PPT1: variants seen among roughly 807,000 people sequenced by gnomAD.
The protein encoded by PPT1 is palmitoyl-protein thioesterase 1.
Under a neutral mutation model 44.0 loss-of-function variants are expected in PPT1, and 24 were observed. The ratio of observed to expected loss-of-function variants is 0.54; its 90% CI spans 0.39 to 0.77. PPT1 has a LOEUF of 0.77. Ranked by LOEUF, PPT1 falls within the 30% of genes least tolerant of loss-of-function variation. The pLI is 0.00. For missense variants in PPT1, 341 were observed against 378.8 expected (o/e 0.90, Z 0.83); for synonymous variants, 148 against 140.2 (o/e 1.06, Z -0.39).
At chr1:40,096,610 G>A (rs989250925) in intron 1 of PPT1, among the ~76,000 whole-genome samples, 1 of 151,440 alleles carries the variant, frequency 6.6e-6, no homozygotes, top group Non-Finnish European at 1.5e-5. Context: ...TTTACACTTG[G>A]GTCCCACCCC....
chr1:40,086,039 T>A (rs1649241963), intron 5 of PPT1, among the ~76,000 whole-genome samples: 1 of 152,184 alleles, frequency 6.6e-6, no homozygotes, highest in Non-Finnish European at 1.5e-5. Flanking sequence ...AAAAGCACTC[T>A]GAGATCCACT....
downstream of PPT1, chr1:40,071,477 A>G: frequency 6.2e-7 from 1 of 1,613,702 alleles, no homozygotes; most frequent in Non-Finnish European, 8.5e-7. Flanking sequence ...TGAGCAGTTC[A>G]AGACCCTATG....
Position 40,086,874 on chromosome 1 carries a change from G to C in PPT1, c.536+2536C>G, listed in dbSNP as rs141599720. 1.5e-3 allele frequency among the ~76,000 whole-genome samples: 228 copies of C among 152,064 alleles called. 5 individuals are homozygous for C. In the East Asian group the frequency reaches 0.027, roughly 18 times the overall value. On this transcript the variant is annotated intron_variant, in intron 5 of 8. Coordinates refer to ENST00000642050, the MANE Select transcript of PPT1 (RefSeq NM_000310.4). ...AATTCTTGATTCTAGGCCCTATGAG[G>C]CTTTAGGCACCAACAGAGTATTACT...
At chr1:40,083,002 G>C (rs540307424) in intron 5 of PPT1, among the ~76,000 whole-genome samples, 1 of 152,106 alleles carries the variant, frequency 6.6e-6, no homozygotes, top group African/African-American at 2.4e-5. Flanking sequence ...TAAATCCTAG[G>C]GCCCTTAAGA....
chr1:40,094,079 A>G (rs1649719639), intron 1 of PPT1: 3 of 655,278 alleles, frequency 4.6e-6, no homozygotes, highest in Non-Finnish European at 5.7e-6. Flanking sequence ...TTTACAAATG[A>G]AAAATAAGCA....
At chr1:40,094,064 C>T (rs559149323) in intron 1 of PPT1, 5 of 666,602 alleles carry the variant, frequency 7.5e-6, no homozygotes, top group African/African-American at 1.8e-5. Context: ...AATTAAGACA[C>T]CAAATTTACA....
chr1:40,096,958 T>G, intron 1 of PPT1, 157 bp downstream of exon 1: 3 of 1,350,722 alleles, frequency 2.2e-6, no homozygotes, highest in Non-Finnish European at 2.1e-6. Flanking sequence ...CTTCCCCTTC[T>G]CTCTTTCCAA....
Position 40,072,724 on chromosome 1 carries a change from CTT to C in PPT1, c.*1335_*1336del, listed in dbSNP as rs775985054. 5 of 152,464 alleles carry C rather than the reference CTT, an allele frequency of 3.3e-5. No individual in the cohort carries two copies. The highest frequency in any genetic ancestry group is 5.9e-5 in the Non-Finnish European group (4 of 68,028). 9.4% of individuals were successfully genotyped at this position (152,464 alleles called of 1,614,324 possible). ...AAAACACCAAGGATAAGAAACTACT[CTT>C]TATTTTAGACAACCTCATAAAATTA... On this transcript the variant is annotated 3_prime_UTR_variant, in exon 9 of 9. Transcript: ENST00000642050.
At chr1:40,083,373 T>G (rs1211779273) in intron 5 of PPT1, among the ~76,000 whole-genome samples, 1 of 152,162 alleles carries the variant, frequency 6.6e-6, no homozygotes, top group Admixed American at 6.5e-5. Flanking sequence ...GAGGATGGCT[T>G]GAGTCCAGGA....
At chr1:40,077,009 AGT>A in intron 7 of PPT1, 96 bp from the exon 8 acceptor site, 1 of 1,406,162 alleles carries the variant, frequency 7.1e-7, no homozygotes, top group Non-Finnish European at 1.0e-6. Flanking sequence ...CTGCCAACAA[AGT>A]GAACATCATA....
chr1:40,092,103 C>A lies in PPT1; in HGVS notation c.304G>T (p.Asp102Tyr). 5 of 1,614,116 alleles carry A rather than the reference C, an allele frequency of 3.1e-6. No individual in the cohort carries two copies. The highest frequency in any genetic ancestry group is 4.2e-6 in the Non-Finnish European group (5 of 1,179,978). The change falls in exon 3 of 9, where the codon GAT (aspartate) becomes TAT (tyrosine). Residue 102 changes from aspartate (D) to tyrosine (Y), a missense_variant. Physicochemically the swap from Asp to Tyr is radical, Grantham distance 160. Coordinates refer to ENST00000642050, the MANE Select transcript of PPT1 (RefSeq NM_000310.4). ...TTGTAGCCTTGCTGCAATTTAGGAT[C>A]CTTAGCAAGTGCCTGACACACTGTT... ...VTTVCQALAKDPKLQQGYNAM... is the reference protein window; with the variant it reads ...VTTVCQALAKYPKLQQGYNAM...
intron 6 of PPT1, 126 bp downstream of exon 6, chr1:40,080,271 A>T: frequency 9.7e-7 from 1 of 1,036,210 alleles, no homozygotes; most frequent in Non-Finnish European, 1.5e-6. Context: ...TCCCAAAAAA[A>T]ACAGAACTTC....
intron 1 of PPT1, among the ~76,000 whole-genome samples, chr1:40,096,577 A>G (rs1649859134): frequency 6.6e-6 from 1 of 152,134 alleles, no homozygotes; most frequent in Non-Finnish European, 1.5e-5. Flanking sequence ...TAAGGTGTAT[A>G]TGAAAAATAA....
At chr1:40,081,557 A>C (rs1346378659) in intron 5 of PPT1, among the ~76,000 whole-genome samples, 1 of 72,940 alleles carries the variant, frequency 1.4e-5, no homozygotes. Context: ...TAAATAAATA[A>C]ATAAATAAAT....
chr1:40,088,952 A>C (rs901447211), intron 5 of PPT1, among the ~76,000 whole-genome samples: 1 of 151,928 alleles, frequency 6.6e-6, no homozygotes, highest in African/African-American at 2.4e-5. Context: ...TTTTGGAGCA[A>C]GTTTAGGTTT....
At chr1:40,085,756 CAGTAT>C (rs1649226554) in intron 5 of PPT1, among the ~76,000 whole-genome samples, 1 of 152,196 alleles carries the variant, frequency 6.6e-6, no homozygotes, top group Non-Finnish European at 1.5e-5. Flanking sequence ...TAATAGACTT[CAGTAT>C]AGTGTAAACA....
chr1:40,089,295 A>AAAAAAAAAAAAAAAAATAT, intron 5 of PPT1, 115 bp downstream of exon 5: 1 of 605,578 alleles, frequency 1.7e-6, no homozygotes. Flanking sequence ...TCAAAAAAAA[A>AAAAAAAAAAAAAAAAATAT]GATCTCATTT....
Position 40,097,155 on chromosome 1 carries a change from G to T in PPT1, c.84C>A (p.Asp28Glu). 1 of 1,614,102 alleles carries T rather than the reference G, an allele frequency of 6.2e-7. No individual in the cohort carries two copies. Among genetic ancestry groups the T allele is most frequent in the Non-Finnish European group, 8.5e-7 (1 of 1,179,992 alleles). ...TCASRALQHL[D>E]PPAPLPLVIW... ...TCACCAACGGCAGCGGCGCCGGCGG[G>T]TCCAGATGCTGCAGCGCCCGAGAAG... Residue 28 changes from aspartate to glutamate, a missense_variant, in exon 1 of 9, where the codon GAC becomes GAA. Coordinates refer to ENST00000642050, the MANE Select transcript of PPT1 (RefSeq NM_000310.4).
chr1:40,089,656 A>G, intron 4 of PPT1, 144 bp from the exon 5 acceptor site: 1 of 705,226 alleles, frequency 1.4e-6, no homozygotes, highest in Non-Finnish European at 2.6e-6. Flanking sequence ...AAGCGCAGAG[A>G]ACTAATACTA....
Sources: allele counts gnomAD v4.1 joint callset (sites outside exome capture counted in the v4.1 genomes callset), GRCh38; gene constraint gnomAD v4.1.1; transcripts MANE v1.5; gene names NCBI Gene and HGNC (gene_info 2026-07-23, HGNC 2026-07-21).